Variants in CDC42EP2 observed in about 807,000 individuals in gnomAD.
The protein encoded by CDC42EP2 is CDC42 effector protein 2.
In CDC42EP2, 5 loss-of-function variants were observed where a neutral mutation model predicts 7.3. The observed-to-expected ratio is 0.68, with a 90% CI of 0.36 to 1.44. The LOEUF is 1.44. CDC42EP2 is among the 40% of genes most tolerant of loss of function. The pLI, the probability that CDC42EP2 is intolerant of heterozygous loss-of-function variation, is 0.04. For synonymous variants in CDC42EP2, 113 were observed against 123.6 expected (o/e 0.91, Z 0.57); for missense variants, 251 against 282.6 (o/e 0.89, Z 0.80).
intron 1 of CDC42EP2, among the ~76,000 whole-genome samples, chr11:65,320,294 C>G (rs1474445467): frequency 6.6e-6 from 1 of 152,012 alleles, no homozygotes; most frequent in Non-Finnish European, 1.5e-5. Context: ...TGGTGAAACC[C>G]TGTCTCTACT....
In CDC42EP2 at chr11:65,320,998, C is replaced by T; in HGVS notation, c.100C>T (p.Leu34=). The T allele has an allele frequency of 6.2e-7, 1 of 1,614,114 alleles. No homozygotes were observed. The highest frequency in any genetic ancestry group is 8.5e-7 in the Non-Finnish European group (1 of 1,180,042). ...GTCCTCGGACATGATCAGCCCACCG[C>T]TGGGGGACTTCCGCCACACCATTCA... ...LLSSDMISPP[L]GDFRHTIHIG... is the part of the protein sequence containing the mutation. Residue 34 remains leucine (L), a synonymous_variant, in exon 2 of 2, where the codon CTG becomes TTG. Coordinates refer to ENST00000279249, the MANE Select transcript of CDC42EP2 (RefSeq NM_006779.4).
Position 65,320,785 on chromosome 11 carries a change from C to A in CDC42EP2, c.-114C>A. ...CCAGAAGCCCGTTGGCGAGCTCTGGCACCTGCAAACCACCCCGTGGAACGA... is the reference window on the plus strand; with the variant it reads ...CCAGAAGCCCGTTGGCGAGCTCTGGAACCTGCAAACCACCCCGTGGAACGA... On this transcript the variant is annotated 5_prime_UTR_variant, in exon 2 of 2. Transcript: ENST00000279249. 8.7e-7 allele frequency: 1 copy of A among 1,155,642 alleles called. No individual in the cohort carries two copies. The highest frequency in any genetic ancestry group is 1.2e-6 in the Non-Finnish European group (1 of 826,516). 71.6% of individuals were successfully genotyped at this position (1,155,642 alleles called of 1,614,324 possible). A position where few individuals can be genotyped will look rare whatever the true frequency, so the allele number is the denominator to read the frequency against.
chr11:65,320,859 G>A lies in CDC42EP2; in HGVS notation c.-40G>A, dbSNP rs367722501. ...GAGAGGAGGTGTGGTCTCAGCAGGC[G>A]GCCCGTAGCCTCACAGCCAGGCCTG... On this transcript the variant is annotated 5_prime_UTR_variant, in exon 2 of 2. Transcript: ENST00000279249. 1.2e-4 allele frequency: 187 copies of A among 1,559,500 alleles called. No homozygotes were observed. The highest frequency in any genetic ancestry group is 1.4e-4 in the Non-Finnish European group (156 of 1,146,942).
chr11:65,318,719 G>A (rs187962695), intron 1 of CDC42EP2, among the ~76,000 whole-genome samples: 10 of 151,536 alleles, frequency 6.6e-5, no homozygotes, highest in African/African-American at 2.2e-4. Flanking sequence ...CACCGCGCCC[G>A]GCCTAACACC....
Position 65,321,169 on chromosome 11 carries a change from G to C in CDC42EP2, c.271G>C (p.Val91Leu), listed in dbSNP as rs553720491. Residue 91 changes from valine (V) to leucine (L), a missense_variant, in exon 2 of 2, where the codon GTG becomes CTG. Coordinates refer to ENST00000279249, the MANE Select transcript of CDC42EP2 (RefSeq NM_006779.4). This position sits in a 1 kb window ranked among gnomAD's most constrained non-coding sequence, Gnocchi z 4.4. ...LPFQFTRTAT[V>L]CGRELPDGPS... ...CTTCCAGTTCACCCGCACCGCCACC[G>C]TGTGTGGGCGGGAGCTCCCGGACGG... is the stretch of plus-strand genomic sequence containing the variant. The C allele has an allele frequency of 2.5e-6, 4 of 1,614,054 alleles. 1 individual carries two copies. In the South Asian group the frequency reaches 3.3e-5, roughly 13 times the overall value.
intron 1 of CDC42EP2, among the ~76,000 whole-genome samples, chr11:65,318,421 A>ATTTTTT (rs1279340276): frequency 1.8e-5 from 2 of 114,078 alleles, no homozygotes; most frequent in African/African-American, 3.6e-5. Flanking sequence ...CACCTGGCAA[A>ATTTTTT]TTTTTTTTTT....
Position 65,321,626 on chromosome 11 carries a change from C to G in CDC42EP2, c.*95C>G. 8.4e-7 allele frequency: 1 copy of G among 1,183,904 alleles called. No homozygotes were observed. Among genetic ancestry groups the G allele is most frequent in the South Asian group, 1.4e-5 (1 of 69,264 alleles). 73.3% of individuals were successfully genotyped at this position (1,183,904 alleles called of 1,614,324 possible). On this transcript the variant is annotated 3_prime_UTR_variant, in exon 2 of 2. Coordinates refer to ENST00000279249, the MANE Select transcript of CDC42EP2 (RefSeq NM_006779.4). The surrounding 1 kb of genome is among the most constrained non-coding windows in gnomAD (Gnocchi z 4.4). The stretch of plus-strand genomic sequence containing the variant: ...GGCGGCGGAGTCAGGGTCCCAAGAT[C>G]CCACCTGTATGGTCGCTGGCCAGTG...
At position 65,321,373 on chromosome 11, in the gene CDC42EP2, C is replaced by T. The variant is rs61736577; in HGVS notation, c.475C>T (p.Pro159Ser). 4.1e-4 allele frequency: 663 copies of T among 1,613,864 alleles called. 4 individuals are homozygous for T. The African/African-American group carries it at 7.4e-3, about 18-fold the overall frequency. The change falls in exon 2 of 2, where the codon CCC becomes TCC. Residue 159 changes from proline (P) to serine (S), a missense_variant. By Grantham distance (74) the Pro-to-Ser change is moderately conservative. Transcript: ENST00000279249. This position sits in a 1 kb window ranked among gnomAD's most constrained non-coding sequence, Gnocchi z 4.4. ...CTGGAGGATTCCAGAGACTGGCTCC[C>T]CCAACAGTGGACTGACCCCGGAGTC... is the stretch of plus-strand genomic sequence containing the variant. Reference protein sequence around the residue: ...DIWRIPETGSPNSGLTPESGA... With the variant: ...DIWRIPETGSSNSGLTPESGA...
Position 65,320,892 on chromosome 11 carries a change from G to A in CDC42EP2, c.-7G>A, listed in dbSNP as rs1281727753. 1.3e-6 allele frequency: 2 copies of A among 1,591,374 alleles called. No individual in the cohort carries two copies. Among genetic ancestry groups the A allele is most frequent in the East Asian group, 2.2e-5 (1 of 44,468 alleles). On this transcript the variant is annotated 5_prime_UTR_variant, in exon 2 of 2. Coordinates refer to ENST00000279249, the MANE Select transcript of CDC42EP2 (RefSeq NM_006779.4). ...GCCTCACAGCCAGGCCTGGTGGTGA[G>A]GTCACCATGTCCACCAAGGTGCCCA...
rs1308183436 is a variant in CDC42EP2 at position 65,320,950 on chromosome 11, A to G, written c.52A>G (p.Lys18Glu). 2 of 1,612,170 alleles carry G rather than the reference A, an allele frequency of 1.2e-6. No individual in the cohort carries two copies. The highest frequency in any genetic ancestry group is 1.3e-5 in the African/African-American group (1 of 74,910). The change falls in exon 2 of 2, where the codon AAG becomes GAG. Residue 18 changes from lysine to glutamate, a missense_variant. Transcript: ENST00000279249. ...YLKRGSRKGK[K>E]EKLRDLLSSD... The stretch of plus-strand genomic sequence containing the variant: ...GAAGCGTGGCAGTCGCAAGGGCAAG[A>G]AGGAGAAGCTTCGGGACCTGCTGTC...
At position 65,319,132 on chromosome 11, in the gene CDC42EP2, A is replaced by ATTT. The variant is rs35711764; in HGVS notation, c.-355-1398_-355-1396dup. ...TCAATTTTGAATTTTGACACCTCTG[A>ATTT]TTTTTTTTTTTTTTTTGATGGAGTC... On this transcript the variant is annotated intron_variant, in intron 1 of 1. Transcript: ENST00000279249. Among the ~76,000 whole-genome samples the ATTT allele has an allele frequency of 7.5e-4, 101 of 134,042 alleles. 2 individuals are homozygous for ATTT. The highest frequency in any genetic ancestry group is 4.2e-3 in the South Asian group (18 of 4,252). The allele number at this position is 134,042 out of a possible 152,430, so 87.9% of individuals were successfully genotyped here. A position where few individuals can be genotyped will look rare whatever the true frequency, so the allele number is the denominator to read the frequency against.
intron 1 of CDC42EP2, among the ~76,000 whole-genome samples, chr11:65,317,828 C>G (rs1949954765): frequency 1.3e-5 from 2 of 152,078 alleles, no homozygotes; most frequent in Non-Finnish European, 2.9e-5. Context: ...TCATAGAGGT[C>G]TGAACAAGAA....
rs372775928 is a variant in CDC42EP2 at position 65,315,714 on chromosome 11, G to C, written c.-356+760G>C. ...CCCCGGTGCGCTCTCGGAGTCCTCC[G>C]GGACACGAGGCGATCAAGGGAGCAC... On this transcript the variant is annotated intron_variant, in intron 1 of 1. Coordinates refer to ENST00000279249, the MANE Select transcript of CDC42EP2 (RefSeq NM_006779.4). This position sits in a 1 kb window ranked among gnomAD's most constrained non-coding sequence, Gnocchi z 4.1. Among the ~76,000 whole-genome samples, 1 of 152,222 alleles carries C rather than the reference G, an allele frequency of 6.6e-6. No homozygotes were observed. The highest frequency in any genetic ancestry group is 1.5e-5 in the Non-Finnish European group (1 of 68,030).
At chr11:65,316,050 C>T (rs1949946660) in intron 1 of CDC42EP2, among the ~76,000 whole-genome samples, 1 of 152,144 alleles carries the variant, frequency 6.6e-6, no homozygotes, top group African/African-American at 2.4e-5. Flanking sequence ...TCTCCAGTGG[C>T]CCTTTAGTGG....
Position 65,315,783 on chromosome 11 carries a change from CA to C in CDC42EP2, c.-356+830del, listed in dbSNP as rs1949944932. 1.3e-5 allele frequency among the ~76,000 whole-genome samples: 2 copies of C among 152,202 alleles called. No homozygotes were observed. The highest frequency in any genetic ancestry group is 4.8e-5 in the African/African-American group (2 of 41,456). On this transcript the variant is annotated intron_variant, in intron 1 of 1. Transcript: ENST00000279249. The surrounding 1 kb of genome is among the most constrained non-coding windows in gnomAD (Gnocchi z 4.1). ...GCGGAGCCGGGCACCTCTCCGGAGG[CA>C]CCGGGACCCCGGGAGACCCAGCGGC...
In CDC42EP2 at chr11:65,321,196, C is replaced by T. The variant is rs1311857151; in HGVS notation, c.298C>T (p.Pro100Ser). 2 of 1,614,078 alleles carry T rather than the reference C, an allele frequency of 1.2e-6. No homozygotes were observed. Among genetic ancestry groups the T allele is most frequent in the Non-Finnish European group, 1.7e-6 (2 of 1,180,000 alleles). Reference sequence around the variant, plus strand: ...GTGTGGGCGGGAGCTCCCGGACGGCCCATCCCCTCTGCTCAAGAACGCCAT... The same window carrying T: ...GTGTGGGCGGGAGCTCCCGGACGGCTCATCCCCTCTGCTCAAGAACGCCAT... ...TVCGRELPDG[P>S]SPLLKNAISL... Residue 100 changes from proline (P) to serine (S), a missense_variant, in exon 2 of 2, where the codon CCA becomes TCA. Pro to Ser is a moderately conservative substitution (Grantham distance 74, BLOSUM62 -1). Coordinates refer to ENST00000279249, the MANE Select transcript of CDC42EP2 (RefSeq NM_006779.4). The surrounding 1 kb of genome is among the most constrained non-coding windows in gnomAD (Gnocchi z 4.4).
Position 65,315,356 on chromosome 11 carries a change from G to A in CDC42EP2, c.-356+402G>A, listed in dbSNP as rs1285289704. On this transcript the variant is annotated intron_variant, in intron 1 of 1. Transcript: ENST00000279249. This position sits in a 1 kb window ranked among gnomAD's most constrained non-coding sequence, Gnocchi z 4.1. The stretch of plus-strand genomic sequence containing the variant: ...CTGAAACGGATCCGGGCTGGGCTGG[G>A]CTCCGCCCGGGTAGGAGTGGGGAGG... Among the ~76,000 whole-genome samples the A allele has an allele frequency of 6.6e-6, 1 of 152,210 alleles. No homozygotes were observed. The highest frequency in any genetic ancestry group is 1.5e-5 in the Non-Finnish European group (1 of 68,018).
intron 1 of CDC42EP2, among the ~76,000 whole-genome samples, chr11:65,319,285 C>G (rs1463596788): frequency 1.3e-5 from 2 of 151,954 alleles, no homozygotes; most frequent in Non-Finnish European, 2.9e-5. Context: ...TGAACCACCA[C>G]GCCTGGCTAA....
Position 65,315,385 on chromosome 11 carries a change from C to A in CDC42EP2, c.-356+431C>A, listed in dbSNP as rs962026826. Reference sequence around the variant, plus strand: ...CGCCCGGGTAGGAGTGGGGAGGGGTCGGCGCAGGAACCCGAGCCGGAGCTA... The same window carrying A: ...CGCCCGGGTAGGAGTGGGGAGGGGTAGGCGCAGGAACCCGAGCCGGAGCTA... On this transcript the variant is annotated intron_variant, in intron 1 of 1. Coordinates refer to ENST00000279249, the MANE Select transcript of CDC42EP2 (RefSeq NM_006779.4). The surrounding 1 kb of genome is among the most constrained non-coding windows in gnomAD (Gnocchi z 4.1). 6.6e-6 allele frequency among the ~76,000 whole-genome samples: 1 copy of A among 152,116 alleles called. No homozygotes were observed. The highest frequency in any genetic ancestry group is 1.5e-5 in the Non-Finnish European group (1 of 67,988).
Sources: allele counts gnomAD v4.1 joint callset (sites outside exome capture counted in the v4.1 genomes callset), GRCh38; gene constraint gnomAD v4.1.1; non-coding constraint Gnocchi (gnomAD v3.1); transcripts MANE v1.5; gene names NCBI Gene and HGNC (gene_info 2026-07-23, HGNC 2026-07-21).